The following NSUN2 variants were observed in gnomAD, a reference collection of about 807,000 sequenced individuals.
The protein encoded by NSUN2 is NOP2/Sun RNA methyltransferase 2, also known as RNA cytosine C(5)-methyltransferase NSUN2.
A neutral mutation model predicts 92.7 loss-of-function variants in NSUN2; 63 were observed. The ratio of observed to expected loss-of-function variants is 0.68; its 90% CI spans 0.56 to 0.84. The LOEUF is 0.84. NSUN2 is among the 40% of genes least tolerant of loss of function. The probability of loss-of-function intolerance (pLI) is 0.00; values close to 1 mark genes in which losing one functional copy is unlikely to be tolerated. For synonymous variants in NSUN2, 356 were observed against 348.3 expected (o/e 1.02, Z -0.25); for missense variants, 989 against 964.9 (o/e 1.02, Z -0.33).
Position 6,604,428 on chromosome 5 carries a change from C to G in NSUN2, c.1819-152G>C. 3.4e-6 allele frequency: 3 copies of G among 877,704 alleles called. No individual in the cohort carries two copies. In the South Asian group the frequency reaches 5.0e-5, roughly 15 times the overall value. 54.4% of individuals were successfully genotyped at this position (877,704 alleles called of 1,614,324 possible). On this transcript the variant is annotated intron_variant, in intron 16 of 18. Transcript: ENST00000264670. The stretch of plus-strand genomic sequence containing the variant: ...GGACAGGTGTGGAACCCACCCCCCC[C>G]TAGGAGGGGAAACCAGCACTCTGGG...
chr5:6,617,516 T>A (rs1737258366), intron 8 of NSUN2, among the ~76,000 whole-genome samples: 1 of 152,332 alleles, frequency 6.6e-6, no homozygotes, highest in African/African-American at 2.4e-5. Flanking sequence ...GAGATTTCTC[T>A]TTAAGAATTT....
chr5:6,631,849 G>C, intron 3 of NSUN2, 24 bp downstream of exon 3: 1 of 1,449,784 alleles, frequency 6.9e-7, no homozygotes. Context: ...ATAAATATTC[G>C]GCATGAAGCA....
intron 9 of NSUN2, among the ~76,000 whole-genome samples, chr5:6,613,030 G>C (rs554783029): frequency 6.6e-6 from 1 of 152,316 alleles, no homozygotes; most frequent in Admixed American, 6.5e-5. Flanking sequence ...GCCTCTGACA[G>C]AGAAAAGGGA....
chr5:6,623,191 C>T (rs752835516), intron 5 of NSUN2, 23 bp downstream of exon 5: 11 of 1,576,238 alleles, frequency 7.0e-6, no homozygotes, highest in East Asian at 2.2e-5. Context: ...CCCGCCCCCA[C>T]GTTTCTAGTT....
intron 3 of NSUN2, among the ~76,000 whole-genome samples, chr5:6,630,608 A>G (rs1054708644): frequency 6.6e-6 from 1 of 152,218 alleles, no homozygotes; most frequent in Non-Finnish European, 1.5e-5. Context: ...GCCAGTCAGC[A>G]TTCATTGTGA....
Position 6,605,281 on chromosome 5 carries a change from TCTCA to T in NSUN2, c.1725_1728del (p.Ser575ArgfsTer3), listed in dbSNP as rs762288077. 6 of 1,614,134 alleles carry T rather than the reference TCTCA, an allele frequency of 3.7e-6. No individual in the cohort carries two copies. Among genetic ancestry groups the T allele is most frequent in the African/African-American group, 2.7e-5 (2 of 75,064 alleles). On this transcript the variant is annotated frameshift_variant, in exon 15 of 19. Coordinates refer to ENST00000264670, the MANE Select transcript of NSUN2 (RefSeq NM_017755.6). LOFTEE classifies it high-confidence loss of function. Reference sequence around the variant, plus strand: ...GTCTGTGCGGCTGGCACCTTCATCTTCTCACTGTTATTCAGCAGCACATTCCGCA... The same window carrying T: ...GTCTGTGCGGCTGGCACCTTCATCTTCTGTTATTCAGCAGCACATTCCGCA...
chr5:6,628,285 T>C (rs371648542), intron 3 of NSUN2, among the ~76,000 whole-genome samples: 3 of 151,760 alleles, frequency 2.0e-5, no homozygotes, highest in East Asian at 1.9e-4. Context: ...GAGGTGGAGG[T>C]TGCAGTGAGC....
chr5:6,608,860 C>A (rs552210202), intron 12 of NSUN2, among the ~76,000 whole-genome samples: 7 of 152,342 alleles, frequency 4.6e-5, no homozygotes, highest in Admixed American at 3.3e-4. Context: ...GTATCTAATA[C>A]TTTACAATAT....
intron 15 of NSUN2, 66 bp from the exon 16 acceptor site, chr5:6,604,751 C>T (rs928420781): frequency 2.8e-5 from 38 of 1,336,184 alleles, no homozygotes; most frequent in East Asian, 9.2e-5. Flanking sequence ...GTAAGGATGC[C>T]GGGCCACATG....
At chr5:6,604,899 A>G in intron 15 of NSUN2, 2 of 603,902 alleles carry the variant, frequency 3.3e-6, no homozygotes. Context: ...AGGGCCCCCA[A>G]ATGGCCAAAT....
chr5:6,623,201 T>G lies in NSUN2; in HGVS notation c.537+13A>C. 4.4e-6 allele frequency: 7 copies of G among 1,582,822 alleles called. No individual in the cohort carries two copies. The highest frequency in any genetic ancestry group is 6.0e-6 in the Non-Finnish European group (7 of 1,171,148). ...AGCTGCCCGCCCCCACGTTTCTAGTTGCTATATGCTACCTTATGATGAGGC... is the reference window on the plus strand; with the variant it reads ...AGCTGCCCGCCCCCACGTTTCTAGTGGCTATATGCTACCTTATGATGAGGC... On this transcript the variant is annotated intron_variant, in intron 5 of 18. Coordinates refer to ENST00000264670, the MANE Select transcript of NSUN2 (RefSeq NM_017755.6).
chr5:6,619,492 CTTTAG>C (rs1350360734), intron 7 of NSUN2, among the ~76,000 whole-genome samples: 1 of 152,110 alleles, frequency 6.6e-6, no homozygotes, highest in East Asian at 1.9e-4. Flanking sequence ...CAGATGATGT[CTTTAG>C]TTTTGTTTCT....
intron 4 of NSUN2, 106 bp from the exon 5 acceptor site, chr5:6,623,391 T>C (rs1327402017): frequency 4.4e-6 from 4 of 900,994 alleles, no homozygotes; most frequent in Admixed American, 5.7e-5. Flanking sequence ...CAGCACATAA[T>C]CTTATACAGA....
At chr5:6,629,801 T>C (rs1245734429) in intron 3 of NSUN2, among the ~76,000 whole-genome samples, 2 of 152,164 alleles carry the variant, frequency 1.3e-5, no homozygotes, top group Non-Finnish European at 2.9e-5. Flanking sequence ...GTGAGTTCGT[T>C]CTCAGGGGGA....
intron 14 of NSUN2, 93 bp downstream of exon 14, chr5:6,606,727 C>T: frequency 3.2e-6 from 2 of 634,876 alleles, no homozygotes; most frequent in Non-Finnish European, 5.4e-6. Flanking sequence ...GACAGAACTA[C>T]ATACAAAACA....
chr5:6,623,632 C>T (rs967565497), intron 4 of NSUN2, among the ~76,000 whole-genome samples: 1 of 152,216 alleles, frequency 6.6e-6, no homozygotes. Flanking sequence ...TAAACAAATA[C>T]CTTCAACAGA....
intron 13 of NSUN2, 34 bp downstream of exon 13, chr5:6,607,166 G>T: frequency 6.2e-7 from 1 of 1,602,324 alleles, no homozygotes. Context: ...GAAGACACCA[G>T]CGTATTAGAT....
chr5:6,620,453 A>G, intron 6 of NSUN2, 155 bp from the exon 7 acceptor site: 1 of 498,602 alleles, frequency 2.0e-6, no homozygotes, highest in East Asian at 3.3e-5. Context: ...TAAGTGGTTC[A>G]AAAAAAGGAA....
chr5:6,616,690 CT>C, intron 9 of NSUN2, 36 bp downstream of exon 9: 1 of 1,217,964 alleles, frequency 8.2e-7, no homozygotes, highest in Non-Finnish European at 1.1e-6. Flanking sequence ...GAAAAGCCCC[CT>C]ATGCTGTTAA....
Sources: allele counts gnomAD v4.1 joint callset (sites outside exome capture counted in the v4.1 genomes callset), GRCh38; gene constraint gnomAD v4.1.1; transcripts MANE v1.5; gene names NCBI Gene and HGNC (gene_info 2026-07-23, HGNC 2026-07-21).